The following GNAQ variants were observed in gnomAD, a reference collection of about 807,000 sequenced individuals.
GNAQ encodes the protein G protein subunit alpha q.
In GNAQ, 8 loss-of-function variants were observed where a neutral mutation model predicts 43.9. The observed-to-expected ratio is 0.18, with a 90% CI of 0.11 to 0.33. GNAQ has a LOEUF of 0.33. Among genes scored for constraint, GNAQ ranks in the 10% least tolerant of loss-of-function variants. GNAQ has a pLI of 1.00. For synonymous variants in GNAQ, 155 were observed against 170.7 expected (o/e 0.91, Z 0.71); for missense variants, 158 against 450.8 (o/e 0.35, Z 5.88).
At chr9:77,905,158 G>C (rs556093157) in intron 2 of GNAQ, among the ~76,000 whole-genome samples, 1 of 152,286 alleles carries the variant, frequency 6.6e-6, no homozygotes, top group East Asian at 1.9e-4. Flanking sequence ...CCCATTCATT[G>C]AATGTGGAAC....
chr9:77,980,996 T>A (rs532998401), intron 1 of GNAQ, among the ~76,000 whole-genome samples: 9 of 152,346 alleles, frequency 5.9e-5, no homozygotes, highest in Admixed American at 5.9e-4. Flanking sequence ...ATGATTTCTA[T>A]CTGAAAGGAT....
intron 2 of GNAQ, among the ~76,000 whole-genome samples, chr9:77,887,856 G>A (rs1021967474): frequency 6.6e-6 from 1 of 151,950 alleles, no homozygotes; most frequent in Admixed American, 6.6e-5. Context: ...TAATCATTTT[G>A]TCCACACCCT....
chr9:77,887,999 G>T (rs909874676), intron 2 of GNAQ, among the ~76,000 whole-genome samples: 1 of 152,106 alleles, frequency 6.6e-6, no homozygotes, highest in Non-Finnish European at 1.5e-5. Context: ...ACCCTTGAAG[G>T]GGGTACGGGA....
At chr9:77,904,553 C>T (rs1438163662) in intron 2 of GNAQ, among the ~76,000 whole-genome samples, 1 of 151,858 alleles carries the variant, frequency 6.6e-6, no homozygotes, top group East Asian at 1.9e-4. Context: ...AGGATGGTCT[C>T]GATCTCCTGA....
intron 1 of GNAQ, among the ~76,000 whole-genome samples, chr9:77,983,204 T>C (rs544620973): frequency 1.3e-5 from 2 of 152,346 alleles, no homozygotes; most frequent in East Asian, 3.9e-4. Context: ...TGCAACAGTA[T>C]GAACTCGTGC....
intron 1 of GNAQ, among the ~76,000 whole-genome samples, chr9:77,963,533 G>A (rs1209439380): frequency 2.6e-5 from 4 of 151,946 alleles, no homozygotes; most frequent in East Asian, 1.9e-4. Flanking sequence ...TTACCAGTAC[G>A]ATCCTGAAAA....
chr9:77,848,373 T>G (rs1216309118), intron 2 of GNAQ, among the ~76,000 whole-genome samples: 1 of 152,230 alleles, frequency 6.6e-6, no homozygotes, highest in Admixed American at 6.5e-5. Context: ...TACTTTCACA[T>G]GTCGGAATTC....
intron 2 of GNAQ, among the ~76,000 whole-genome samples, chr9:77,890,667 G>A (rs540842980): frequency 6.6e-6 from 1 of 151,104 alleles, no homozygotes; most frequent in East Asian, 2.0e-4. Flanking sequence ...AGGTTGCGGT[G>A]AGCCGAGATC....
intron 5 of GNAQ, among the ~76,000 whole-genome samples, chr9:77,734,129 T>TC (rs1258367101): frequency 2.0e-5 from 3 of 152,188 alleles, no homozygotes; most frequent in African/African-American, 7.2e-5. Flanking sequence ...GCTTTCCTTA[T>TC]CCCCCTCCAC....
intron 2 of GNAQ, among the ~76,000 whole-genome samples, chr9:77,832,046 G>A (rs958214630): frequency 1.3e-5 from 2 of 151,236 alleles, no homozygotes; most frequent in African/African-American, 2.4e-5. Flanking sequence ...TCAGGATATA[G>A]CACATGTAGG....
chr9:77,810,217 T>TCTATCTAA lies in GNAQ; in HGVS notation c.476+5398_476+5399insTTAGATAG, dbSNP rs1554717683. ...CTAAAAACTGTCAATCATCTATCTATCTATCTATCTATCTATCTATCTATC... is the reference window on the plus strand; with the variant it reads ...CTAAAAACTGTCAATCATCTATCTATCTATCTAACTATCTATCTATCTATCTATCTATC... On this transcript the variant is annotated intron_variant, in intron 3 of 6. Transcript: ENST00000286548. Among the ~76,000 whole-genome samples, 364 of 85,792 alleles carry TCTATCTAA rather than the reference T, an allele frequency of 4.2e-3. 2 individuals carry two copies. Among genetic ancestry groups the TCTATCTAA allele is most frequent in the African/African-American group, 0.021 (355 of 16,706 alleles). The allele number at this position is 85,792 out of a possible 152,430, so 56.3% of individuals were successfully genotyped here. A position where few individuals can be genotyped will look rare whatever the true frequency, so the allele number is the denominator to read the frequency against.
chr9:77,858,663 T>A lies in GNAQ; in HGVS notation c.322-42893A>T, dbSNP rs1587368547. On this transcript the variant is annotated intron_variant, in intron 2 of 6. Coordinates refer to ENST00000286548, the MANE Select transcript of GNAQ (RefSeq NM_002072.5). ...TGCTGCCTAGTTCTCCACCAGCCTC[T>A]CCAGCCATGCTTCCTTTCTCTGCTT... is the stretch of plus-strand genomic sequence containing the variant. Among the ~76,000 whole-genome samples, 2 of 151,952 alleles carry A rather than the reference T, an allele frequency of 1.3e-5. 1 individual carries two copies. The highest frequency in any genetic ancestry group is 4.2e-4 in the South Asian group (2 of 4,798).
chr9:77,733,211 C>T (rs188266082), intron 5 of GNAQ, among the ~76,000 whole-genome samples: 23 of 152,274 alleles, frequency 1.5e-4, no homozygotes, highest in Admixed American at 1.4e-3. Context: ...CTACCCTGAC[C>T]AGTTATCTGT....
At chr9:77,813,006 G>T (rs927067192) in intron 3 of GNAQ, among the ~76,000 whole-genome samples, 1 of 151,702 alleles carries the variant, frequency 6.6e-6, no homozygotes, top group Non-Finnish European at 1.5e-5. Flanking sequence ...TCTGCCTCCC[G>T]GGTTCAACCA....
intron 2 of GNAQ, among the ~76,000 whole-genome samples, chr9:77,882,254 GTTC>G: frequency 6.6e-6 from 1 of 152,256 alleles, no homozygotes; most frequent in Non-Finnish European, 1.5e-5. Flanking sequence ...TTGATTTGAG[GTTC>G]TTTTCTCTTT....
At chr9:77,863,169 C>T (rs1273272576) in intron 2 of GNAQ, among the ~76,000 whole-genome samples, 2 of 48,572 alleles carry the variant, frequency 4.1e-5, no homozygotes, top group East Asian at 3.7e-4. Context: ...AATGAAACTC[C>T]GTATGAAAGA....
At chr9:77,926,754 A>G (rs1300283196) in intron 1 of GNAQ, among the ~76,000 whole-genome samples, 1 of 152,154 alleles carries the variant, frequency 6.6e-6, no homozygotes, top group Non-Finnish European at 1.5e-5. Context: ...TATCCCCATA[A>G]AAGTTATTTG....
At chr9:77,904,127 GC>G (rs1828663107) in intron 2 of GNAQ, among the ~76,000 whole-genome samples, 1 of 152,046 alleles carries the variant, frequency 6.6e-6, no homozygotes, top group Non-Finnish European at 1.5e-5. Context: ...CTGAACACTT[GC>G]TAGAGCAAGT....
At chr9:77,933,570 A>G in intron 1 of GNAQ, among the ~76,000 whole-genome samples, 1 of 151,978 alleles carries the variant, frequency 6.6e-6, no homozygotes, top group Non-Finnish European at 1.5e-5. Flanking sequence ...ACTTGAGCCC[A>G]GGAGGCAGAG....
Sources: allele counts gnomAD v4.1 joint callset (sites outside exome capture counted in the v4.1 genomes callset), GRCh38; gene constraint gnomAD v4.1.1; transcripts MANE v1.5; gene names NCBI Gene and HGNC (gene_info 2026-07-23, HGNC 2026-07-21).